TTC16: variants seen among roughly 807,000 people sequenced by gnomAD.
TTC16 encodes tetratricopeptide repeat domain 16.
Under a neutral mutation model 80.4 loss-of-function variants are expected in TTC16, and 66 were observed. That is an observed-to-expected ratio of 0.82 (90% confidence interval 0.67 to 1.01). TTC16 has a LOEUF of 1.01. TTC16 is among the 50% of genes least tolerant of loss of function. The pLI, the probability that TTC16 is intolerant of heterozygous loss-of-function variation, is 0.00. For missense variants in TTC16, 1,070 were observed against 1,103.2 expected (o/e 0.97, Z 0.43); for synonymous variants, 438 against 451.3 (o/e 0.97, Z 0.37).
At chr9:127,717,040 G>A in intron 2 of TTC16, 24 bp downstream of exon 2, 1 of 1,607,318 alleles carries the variant, frequency 6.2e-7, no homozygotes, top group South Asian at 1.1e-5. Flanking sequence ...TTGCTTTGGG[G>A]TCCCAGGTTC....
chr9:127,725,563 C>CAA (rs34292919), intron 9 of TTC16, among the ~76,000 whole-genome samples: 151 of 57,080 alleles, frequency 2.6e-3, no homozygotes, highest in East Asian at 5.4e-3. Context: ...GACTCCGTCT[C>CAA]AAAAAAAAAA....
intron 8 of TTC16, 39 bp downstream of exon 8, chr9:127,724,403 G>A: frequency 6.2e-7 from 1 of 1,605,768 alleles, no homozygotes; most frequent in Non-Finnish European, 8.5e-7. Flanking sequence ...GGGGGTGCGG[G>A]GGAGCCTCGC....
intron 6 of TTC16, 46 bp downstream of exon 6, chr9:127,720,441 T>C: frequency 6.2e-7 from 1 of 1,606,562 alleles, no homozygotes; most frequent in Non-Finnish European, 8.5e-7. Context: ...AACCTGGGAG[T>C]CCTCAGTGTG....
intron 7 of TTC16, 89 bp from the exon 8 acceptor site, chr9:127,724,031 C>CGGCA: frequency 6.9e-7 from 1 of 1,446,928 alleles, no homozygotes; most frequent in Non-Finnish European, 9.1e-7. Flanking sequence ...GGCCCAGAGC[C>CGGCA]GGCAGTGGCT....
chr9:127,725,563 C>CAAAA (rs34292919), intron 9 of TTC16, among the ~76,000 whole-genome samples: 6 of 57,372 alleles, frequency 1.0e-4, no homozygotes, highest in African/African-American at 1.5e-4. Context: ...GACTCCGTCT[C>CAAAA]AAAAAAAAAA....
At chr9:127,728,640 C>G (rs1844159609) in intron 12 of TTC16, 1 of 152,226 alleles carries the variant, frequency 6.6e-6, no homozygotes, top group African/African-American at 2.4e-5. Context: ...GCAAAAAATA[C>G]AAACATTAGC....
Position 127,730,626 on chromosome 9 carries a change from C to G in TTC16, c.1853-10C>G. The G allele has an allele frequency of 6.2e-7, 1 of 1,609,878 alleles. No homozygotes were observed. The highest frequency in any genetic ancestry group is 8.5e-7 in the Non-Finnish European group (1 of 1,178,868). ...AGGCCTGATGGGTGCTTTTGGCACC[C>G]CCTTCCTAGTCAGGACCACAGGCAC... On this transcript the variant is annotated splice_polypyrimidine_tract_variant and intron_variant, in intron 13 of 13. Coordinates refer to ENST00000373289, the MANE Select transcript of TTC16 (RefSeq NM_144965.3).
chr9:127,724,594 GA>G, intron 8 of TTC16, 161 bp from the exon 9 acceptor site: 4 of 1,148,220 alleles, frequency 3.5e-6, no homozygotes, highest in Non-Finnish European at 4.8e-6. Flanking sequence ...GGCAGCTGGG[GA>G]ACAGTGCCCA....
chr9:127,716,954 A>C lies in TTC16; in HGVS notation c.129A>C (p.Gln43His), dbSNP rs115326841. ...QHIFGTSHVF[Q>H]SICDVKPKVT... ...TCTTTGGGACCAGCCACGTGTTCCA[A>C]AGCATCTGTGATGTAAAACCAAAGG... Residue 43 changes from glutamine to histidine, a missense_variant, in exon 2 of 14, where the codon CAA becomes CAC. Coordinates refer to ENST00000373289, the MANE Select transcript of TTC16 (RefSeq NM_144965.3). 1 of 1,614,070 alleles carries C rather than the reference A, an allele frequency of 6.2e-7. No homozygotes were observed. The highest frequency in any genetic ancestry group is 1.3e-5 in the African/African-American group (1 of 75,002).
chr9:127,717,050 C>T (rs1416718326), intron 2 of TTC16, 34 bp downstream of exon 2: 4 of 1,605,356 alleles, frequency 2.5e-6, no homozygotes, highest in Non-Finnish European at 3.4e-6. Context: ...GTCCCAGGTT[C>T]CTGCCCGACA....
rs777636866 is a variant in TTC16, at chr9:127,727,306, C to T, written c.1605C>T (p.Ala535=). The T allele has an allele frequency of 1.3e-6, 2 of 1,585,970 alleles. No homozygotes were observed. Among genetic ancestry groups the T allele is most frequent in the African/African-American group, 2.7e-5 (2 of 73,726 alleles). Residue 535 remains alanine (A), a synonymous_variant, in exon 12 of 14, where the codon GCC becomes GCT. Coordinates refer to ENST00000373289, the MANE Select transcript of TTC16 (RefSeq NM_144965.3). ...GGCACGAGTTGGAGCGCCAGAAGGC[C>T]TTGGCCCTGCAGCACTCATGGAAGC... is the stretch of plus-strand genomic sequence containing the variant. ...LKRHELERQK[A]LALQHSWKQG...
At chr9:127,721,549 G>C (rs1379446077) in intron 6 of TTC16, among the ~76,000 whole-genome samples, 3 of 152,090 alleles carry the variant, frequency 2.0e-5, no homozygotes, top group East Asian at 1.9e-4. Flanking sequence ...TCCTGGGTGC[G>C]GCCGAAATGC....
chr9:127,728,195 G>A (rs1844129215), intron 12 of TTC16: 1 of 152,240 alleles, frequency 6.6e-6, no homozygotes, highest in Non-Finnish European at 1.5e-5. Context: ...CCAGCTCCCA[G>A]AAGCCCCTTG....
In TTC16 at chr9:127,731,113, C is replaced by G. The variant is rs1352148132; in HGVS notation, c.2330C>G (p.Ala777Gly). Residue 777 changes from alanine (A) to glycine (G), a missense_variant, in exon 14 of 14, where the codon GCT (alanine) becomes GGT (glycine). Physicochemically the swap from Ala to Gly is moderately conservative, Grantham distance 60. Coordinates refer to ENST00000373289, the MANE Select transcript of TTC16 (RefSeq NM_144965.3). The part of the protein sequence containing the change: ...SPRQRPRKVK[A>G]ARGRSWRPSK... ...AGGCAGAGGCCCAGAAAGGTCAAGG[C>G]TGCTCGTGGCCGGAGCTGGAGACCC... The G allele has an allele frequency of 6.2e-7, 1 of 1,611,538 alleles. No individual in the cohort carries two copies. Among genetic ancestry groups the G allele is most frequent in the East Asian group, 2.2e-5 (1 of 44,868 alleles).
Position 127,722,030 on chromosome 9 carries a change from T to A in TTC16, c.658-1089T>A, listed in dbSNP as rs1843553591. ...TAGCCCCTCCGATACGTAGGCGTGT[T>A]CTCAGCACTTTGCCCCTGCTTAGCT... On this transcript the variant is annotated intron_variant, in intron 6 of 13. Coordinates refer to ENST00000373289, the MANE Select transcript of TTC16 (RefSeq NM_144965.3). This position sits in a 1 kb window ranked among gnomAD's most constrained non-coding sequence, Gnocchi z 4.2. 6.6e-6 allele frequency among the ~76,000 whole-genome samples: 1 copy of A among 152,156 alleles called. No individual in the cohort carries two copies. The highest frequency in any genetic ancestry group is 1.5e-5 in the Non-Finnish European group (1 of 68,010).
chr9:127,717,263 AC>A, intron 2 of TTC16, 70 bp from the exon 3 acceptor site: 2 of 1,493,024 alleles, frequency 1.3e-6, no homozygotes, highest in Non-Finnish European at 9.2e-7. Flanking sequence ...CACAACCCCC[AC>A]CCCAGCCCTA....
At chr9:127,719,083 T>C (rs7040526) in intron 4 of TTC16, among the ~76,000 whole-genome samples, 98,788 of 151,234 alleles carry the variant, frequency 0.65, 33,647 homozygotes, top group African/African-American at 0.85. Context: ...TGGTGGCACG[T>C]GCCTGTAATC....
intron 13 of TTC16, 129 bp downstream of exon 13, chr9:127,729,797 G>C: frequency 2.5e-6 from 2 of 798,886 alleles, no homozygotes; most frequent in South Asian, 3.1e-5. Flanking sequence ...GGCCTGGGGC[G>C]AGTGGCTCTA....
chr9:127,724,258 T>A lies in TTC16; in HGVS notation c.1011T>A (p.Phe337Leu). ...QRQLLLTYND[F>L]AVHCYRQGAY... is the part of the protein sequence containing the mutation. ...AGCTGTTGCTGACCTACAACGACTT[T>A]GCCGTGCACTGCTACAGGCAGGGCG... The change falls in exon 8 of 14, where the codon TTT becomes TTA. Residue 337 changes from phenylalanine (F) to leucine (L), a missense_variant. Coordinates refer to ENST00000373289, the MANE Select transcript of TTC16 (RefSeq NM_144965.3). The A allele has an allele frequency of 6.2e-7, 1 of 1,613,078 alleles. No homozygotes were observed. The highest frequency in any genetic ancestry group is 8.5e-7 in the Non-Finnish European group (1 of 1,180,018).
Sources: gnomAD v4.1 joint callset for allele counts (sites outside exome capture counted in the v4.1 genomes callset) on GRCh38, gnomAD v4.1.1 for gene constraint, Gnocchi (gnomAD v3.1) non-coding constraint, MANE v1.5 for transcripts, NCBI Gene and HGNC (gene_info 2026-07-23, HGNC 2026-07-21) for gene names.